The following LRRC14B variants were observed in gnomAD, a reference collection of about 807,000 sequenced individuals.
LRRC14B encodes leucine rich repeat containing 14B.
LRRC14B carries 23 observed loss-of-function variants against 16.9 expected under a neutral mutation model. The ratio of observed to expected loss-of-function variants is 1.36; its 90% CI spans 0.98 to 1.92. The LOEUF (loss-of-function observed/expected upper bound fraction) is 1.92. LRRC14B is among the 30% of genes most tolerant of loss of function. LRRC14B has a pLI of 0.00. For synonymous variants in LRRC14B, 358 were observed against 332.5 expected (o/e 1.08, Z -0.83); for missense variants, 766 against 705.7 (o/e 1.09, Z -0.97).
rs769221101 is a variant in LRRC14B, at chr5:194,846, G to A, written c.1038G>A (p.Leu346=). The A allele has an allele frequency of 1.1e-5, 18 of 1,594,830 alleles. No individual in the cohort carries two copies. In the African/African-American group the frequency reaches 2.1e-4, roughly 19 times the overall value. The change falls in exon 2 of 2, where the codon CTG becomes CTA. Residue 346 remains leucine, a synonymous_variant. Transcript: ENST00000328278. ...TCAGTGGACACAACCTGGTCAGCCT[G>A]TACCCCTCGACCTTCTTCAGGCTGC... is the stretch of plus-strand genomic sequence containing the variant. The part of the protein sequence containing the change: ...LDLSGHNLVS[L]YPSTFFRLLS...
intron 1 of LRRC14B, among the ~76,000 whole-genome samples, chr5:193,503 G>A (rs553604419): frequency 8.2e-4 from 120 of 146,220 alleles, no homozygotes; most frequent in African/African-American, 2.9e-3. Flanking sequence ...GGCGGTGGTA[G>A]GGGTGCCTGG....
In LRRC14B at chr5:191,689, C is replaced by A; in HGVS notation, c.151C>A (p.Arg51Ser). The change falls in exon 1 of 2, where the codon CGC becomes AGC. Residue 51 changes from arginine to serine, a missense_variant. Coordinates refer to ENST00000328278, the MANE Select transcript of LRRC14B (RefSeq NM_001080478.3). ...SYLLEQAEVT[R>S]AVLGRWPLEE... The stretch of plus-strand genomic sequence containing the variant: ...CCTGCTGGAGCAGGCGGAGGTGACG[C>A]GCGCGGTGCTGGGGCGCTGGCCCCT... 2.5e-6 allele frequency: 4 copies of A among 1,599,492 alleles called. No individual in the cohort carries two copies. The highest frequency in any genetic ancestry group is 3.4e-6 in the Non-Finnish European group (4 of 1,173,752).
In LRRC14B at chr5:191,550, G is replaced by A. The variant is rs367960446; in HGVS notation, c.12G>A (p.Met4Ile). The A allele has an allele frequency of 1.9e-4, 304 of 1,610,214 alleles. No individual in the cohort carries two copies. In the Middle Eastern group the frequency reaches 2.1e-3, roughly 11 times the overall value. The change falls in exon 1 of 2, where the codon ATG (methionine) becomes ATA (isoleucine). Residue 4 changes from methionine (M) to isoleucine (I), a missense_variant. By Grantham distance (10) the Met-to-Ile change is conservative. Coordinates refer to ENST00000328278, the MANE Select transcript of LRRC14B (RefSeq NM_001080478.3). ...TCCTGTCTCGGGCCATGGACACAAT[G>A]AGGTCACTCCGCTTCATTTCTGCAG... MDT[M>I]RSLRFISAEA...
In LRRC14B at chr5:195,654, C is replaced by A; in HGVS notation, c.*301C>A. 1 of 432,484 alleles carries A rather than the reference C, an allele frequency of 2.3e-6. No homozygotes were observed. Among genetic ancestry groups the A allele is most frequent in the Non-Finnish European group, 4.2e-6 (1 of 235,630 alleles). 26.8% of individuals were successfully genotyped at this position (432,484 alleles called of 1,614,324 possible). ...GCCACATGGCAAAGAGCAGAGAAGC[C>A]CGGGAGGTGTGAGGAGTGGCCGACC... On this transcript the variant is annotated 3_prime_UTR_variant, in exon 2 of 2. Coordinates refer to ENST00000328278, the MANE Select transcript of LRRC14B (RefSeq NM_001080478.3).
In LRRC14B at chr5:194,948, G is replaced by A. The variant is rs1378492835; in HGVS notation, c.1140G>A (p.Leu380=). ...TCGTAGACAGCCACGTTGGCATGCT[G>A]ATCCTGGGCCTGAGCCCCTGCCACC... ...CGIVDSHVGM[L]ILGLSPCHRL... is the part of the protein sequence containing the mutation. The change falls in exon 2 of 2, where the codon CTG becomes CTA. Residue 380 remains leucine, a synonymous_variant. Transcript: ENST00000328278. 6.2e-7 allele frequency: 1 copy of A among 1,613,388 alleles called. No individual in the cohort carries two copies.
At chr5:193,428 G>GGA in intron 1 of LRRC14B, among the ~76,000 whole-genome samples, 1 of 140,212 alleles carries the variant, frequency 7.1e-6, no homozygotes, top group African/African-American at 2.7e-5. Context: ...GGTTCTGGGG[G>GGA]CTGGGGGCAC....
At position 195,028 on chromosome 5, in the gene LRRC14B, G is replaced by A. The variant is rs368606198; in HGVS notation, c.1220G>A (p.Arg407His). Residue 407 changes from arginine to histidine, a missense_variant, in exon 2 of 2, where the codon CGC becomes CAC. Physicochemically the swap from Arg to His is conservative, Grantham distance 29. Coordinates refer to ENST00000328278, the MANE Select transcript of LRRC14B (RefSeq NM_001080478.3). Reference sequence around the variant, plus strand: ...CCGCTGTCGGCCCGCGCCCTCCGGCGCCTCTTCACCGCACTCTGTGAGCTC... The same window carrying A: ...CCGCTGTCGGCCCGCGCCCTCCGGCACCTCTTCACCGCACTCTGTGAGCTC... ...GNPLSARALR[R>H]LFTALCELPE... 4.5e-5 allele frequency: 73 copies of A among 1,613,144 alleles called. No homozygotes were observed. The African/African-American group carries it at 6.0e-4, about 13-fold the overall frequency.
intron 1 of LRRC14B, 104 bp from the exon 2 acceptor site, chr5:194,604 T>C (rs1733876280): frequency 4.6e-6 from 5 of 1,098,484 alleles, no homozygotes; most frequent in South Asian, 1.6e-5. Flanking sequence ...CGTGACTGTG[T>C]GTTGACCCCA....
chr5:194,858 C>T lies in LRRC14B; in HGVS notation c.1050C>T (p.Thr350=), dbSNP rs1205646984. ...GHNLVSLYPS[T]FFRLLSQASR... ...ACCTGGTCAGCCTGTACCCCTCGAC[C>T]TTCTTCAGGCTGCTCAGCCAGGCTT... Residue 350 remains threonine (T), a synonymous_variant, in exon 2 of 2, where the codon ACC becomes ACT. Coordinates refer to ENST00000328278, the MANE Select transcript of LRRC14B (RefSeq NM_001080478.3). 6.3e-7 allele frequency: 1 copy of T among 1,593,576 alleles called. No individual in the cohort carries two copies. The highest frequency in any genetic ancestry group is 1.3e-5 in the African/African-American group (1 of 74,412).
rs1378580727 is a variant in LRRC14B, at chr5:195,811, A to C, written c.*458A>C. The C allele has an allele frequency of 6.1e-6, 1 of 163,946 alleles. No individual in the cohort carries two copies. Among genetic ancestry groups the C allele is most frequent in the Non-Finnish European group, 1.3e-5 (1 of 75,352 alleles). 10.2% of individuals were successfully genotyped at this position (163,946 alleles called of 1,614,324 possible). On this transcript the variant is annotated 3_prime_UTR_variant, in exon 2 of 2. Transcript: ENST00000328278. ...AACTGCACAAAATAAGCAGCCCATG[A>C]AAAACAACCGAGAAAAAGAGGCGAA...
Position 191,694 on chromosome 5 carries a change from G to C in LRRC14B, c.156G>C (p.Ala52=), listed in dbSNP as rs765578403. The change falls in exon 1 of 2, where the codon GCG becomes GCC. Residue 52 remains alanine (A), a synonymous_variant. Coordinates refer to ENST00000328278, the MANE Select transcript of LRRC14B (RefSeq NM_001080478.3). ...TGGAGCAGGCGGAGGTGACGCGCGC[G>C]GTGCTGGGGCGCTGGCCCCTGGAGG... The part of the protein sequence containing the change: ...YLLEQAEVTR[A]VLGRWPLEEF... The C allele has an allele frequency of 6.3e-7, 1 of 1,596,578 alleles. No homozygotes were observed. Among genetic ancestry groups the C allele is most frequent in the Non-Finnish European group, 8.5e-7 (1 of 1,172,346 alleles).
chr5:194,713 T>C lies in LRRC14B; in HGVS notation c.905T>C (p.Leu302Pro). ...CTTTCCCCCGTGTCCTGCAGCCCCC[T>C]ACAGACCCCGCTGCGAGTACTGGAC... ...TGKIPTLLGP[L>P]QTPLRVLDLA... is the part of the protein sequence containing the mutation. The change falls in exon 2 of 2, where the codon CTA becomes CCA. Residue 302 changes from leucine to proline, a missense_variant. Transcript: ENST00000328278. 6.2e-7 allele frequency: 1 copy of C among 1,605,828 alleles called. No homozygotes were observed. Among genetic ancestry groups the C allele is most frequent in the South Asian group, 1.1e-5 (1 of 89,120 alleles).
chr5:192,933 T>C (rs1252618345), intron 1 of LRRC14B, among the ~76,000 whole-genome samples: 1 of 152,186 alleles, frequency 6.6e-6, no homozygotes, highest in African/African-American at 2.4e-5. Flanking sequence ...GGCTCCATGC[T>C]GCATGGACCT....
intron 1 of LRRC14B, among the ~76,000 whole-genome samples, chr5:193,031 A>T (rs554178278): frequency 6.6e-6 from 1 of 152,106 alleles, no homozygotes; most frequent in South Asian, 2.1e-4. Flanking sequence ...GGAAGGGGCC[A>T]GGCCAAGGCA....
chr5:191,982 GCCC>G lies in LRRC14B; in HGVS notation c.446_448del (p.Pro149del). 1 of 1,532,142 alleles carries G rather than the reference GCCC, an allele frequency of 6.5e-7. No individual in the cohort carries two copies. The allele number at this position is 1,532,142 out of a possible 1,614,324, so 94.9% of individuals were successfully genotyped here. On this transcript the variant is annotated inframe_deletion, in exon 1 of 2. Coordinates refer to ENST00000328278, the MANE Select transcript of LRRC14B (RefSeq NM_001080478.3). ...GGACCTGCTGTGAGCTGCAGGCAGAGCCCCTCGCAGCCGGGCGCCCCGTCGAGG... is the reference window on the plus strand; with the variant it reads ...GGACCTGCTGTGAGCTGCAGGCAGAGCTCGCAGCCGGGCGCCCCGTCGAGG...
In LRRC14B at chr5:195,106, G is replaced by C; in HGVS notation, c.1298G>C (p.Gly433Ala). 1 of 1,613,924 alleles carries C rather than the reference G, an allele frequency of 6.2e-7. No individual in the cohort carries two copies. The highest frequency in any genetic ancestry group is 8.5e-7 in the Non-Finnish European group (1 of 1,179,904). ...GTGCCCAAGGACTGCTACCCCGAGG[G>C]TGCCGCCTACCCACAGGACGAGCTG... is the stretch of plus-strand genomic sequence containing the variant. ...FPVPKDCYPE[G>A]AAYPQDELAM... Residue 433 changes from glycine to alanine, a missense_variant, in exon 2 of 2, where the codon GGT becomes GCT. Coordinates refer to ENST00000328278, the MANE Select transcript of LRRC14B (RefSeq NM_001080478.3).
Position 195,491 on chromosome 5 carries a change from A to G in LRRC14B, c.*138A>G. The stretch of plus-strand genomic sequence containing the variant: ...AAAAGCAGTTCTTAGTGAAAATTGT[A>G]GGCGAGCCTGTTAAGCGTTGTAGAA... On this transcript the variant is annotated 3_prime_UTR_variant, in exon 2 of 2. Transcript: ENST00000328278. The G allele has an allele frequency of 1.1e-6, 1 of 871,194 alleles. No homozygotes were observed. The highest frequency in any genetic ancestry group is 1.7e-6 in the Non-Finnish European group (1 of 578,054). 54.0% of individuals were successfully genotyped at this position (871,194 alleles called of 1,614,324 possible).
rs753789830 is a variant in LRRC14B, at chr5:192,028, G to T, written c.490G>T (p.Val164Phe). The change falls in exon 1 of 2, where the codon GTC (valine) becomes TTC (phenylalanine). Residue 164 changes from valine to phenylalanine, a missense_variant. Physicochemically the swap from Val to Phe is conservative, Grantham distance 50. Coordinates refer to ENST00000328278, the MANE Select transcript of LRRC14B (RefSeq NM_001080478.3). ...CGTCGAGGTCCTCGCCGACCTCTTC[G>T]TCACTGAGGGCAACTTCGAGGCGGT... ...RPVEVLADLF[V>F]TEGNFEAVVQ... 1.9e-6 allele frequency: 3 copies of T among 1,538,716 alleles called. No homozygotes were observed. The highest frequency in any genetic ancestry group is 1.4e-5 in the African/African-American group (1 of 73,330).
At chr5:194,619 G>GGACA in intron 1 of LRRC14B, 89 bp from the exon 2 acceptor site, 5 of 1,301,228 alleles carry the variant, frequency 3.8e-6, no homozygotes, top group Non-Finnish European at 5.2e-6. Context: ...ACCCCATGAT[G>GGACA]GACAAATGGG....
Sources: gnomAD v4.1 joint callset for allele counts (sites outside exome capture counted in the v4.1 genomes callset) on GRCh38, gnomAD v4.1.1 for gene constraint, MANE v1.5 for transcripts, NCBI Gene and HGNC (gene_info 2026-07-23, HGNC 2026-07-21) for gene names.